The following PDGFRA variants were observed in gnomAD, a reference collection of about 807,000 sequenced individuals.
The protein encoded by PDGFRA is platelet-derived growth factor receptor alpha.
Under a neutral mutation model 121.5 loss-of-function variants are expected in PDGFRA, and 25 were observed. The ratio of observed to expected loss-of-function variants is 0.21; its 90% CI spans 0.15 to 0.29. The LOEUF (loss-of-function observed/expected upper bound fraction) is 0.29. Ranked by LOEUF, PDGFRA falls within the 10% of genes least tolerant of loss-of-function variation. The pLI is 1.00. For synonymous variants in PDGFRA, 463 were observed against 494.8 expected, an observed-to-expected ratio of 0.94 and a Z score of 0.85; for missense variants, 1,008 against 1,345.1, an observed-to-expected ratio of 0.75 and a Z score of 3.92.
intron 16 of PDGFRA, among the ~76,000 whole-genome samples, chr4:54,281,253 G>A (rs1724064957): frequency 6.6e-6 from 1 of 152,156 alleles, no homozygotes; most frequent in Non-Finnish European, 1.5e-5. Flanking sequence ...TGTCCTGTGA[G>A]CTTGCCTTTT....
rs764731822 is a variant in PDGFRA at position 54,265,209 on chromosome 4, G to T, written c.759+160G>T. On this transcript the variant is annotated intron_variant, in intron 5 of 22. Coordinates refer to ENST00000257290, the MANE Select transcript of PDGFRA (RefSeq NM_006206.6). ...ACACATTTGATTAAATGGCCTTTAG[G>T]ACTCCTTGATCAATGGGAGAGTTTG... is the stretch of plus-strand genomic sequence containing the variant. 6.9e-5 allele frequency: 48 copies of T among 698,026 alleles called. No homozygotes were observed. In the Middle Eastern group the frequency reaches 1.5e-3, roughly 22 times the overall value. 43.2% of individuals were successfully genotyped at this position (698,026 alleles called of 1,614,324 possible).
intron 1 of PDGFRA, 67 bp downstream of exon 1, chr4:54,229,482 GA>G (rs1442681006): frequency 5.2e-6 from 2 of 386,048 alleles, no homozygotes. Flanking sequence ...TGGGACTGGA[GA>G]AAGCGAAGTA....
Position 54,295,157 on chromosome 4 carries a change from C to T in PDGFRA, c.3155C>T (p.Thr1052Met), listed in dbSNP as rs397514550. The T allele has an allele frequency of 1.9e-4, 314 of 1,614,018 alleles. No individual in the cohort carries two copies. Among genetic ancestry groups the T allele is most frequent in the Admixed American group, 7.3e-4 (44 of 60,018 alleles). ...SQTSEESAIETGSSSSTFIKR... is the reference protein window; with the variant it reads ...SQTSEESAIEMGSSSSTFIKR... ...ACCTCTGAAGAGAGTGCCATTGAGA[C>T]GGGTTCCAGCAGTTCCACCTTCATC... Residue 1052 changes from threonine (T) to methionine (M), a missense_variant, in exon 23 of 23, where the codon ACG becomes ATG. Physicochemically the swap from Thr to Met is moderately conservative, Grantham distance 81. Coordinates refer to ENST00000257290, the MANE Select transcript of PDGFRA (RefSeq NM_006206.6).
chr4:54,291,866 G>A (rs1327140409), intron 22 of PDGFRA, among the ~76,000 whole-genome samples: 1 of 152,014 alleles, frequency 6.6e-6, no homozygotes, highest in East Asian at 1.9e-4. Context: ...GCAAAGACAT[G>A]GAATCATCCT....
chr4:54,234,250 G>T (rs1016000480), intron 1 of PDGFRA, among the ~76,000 whole-genome samples: 2 of 141,134 alleles, frequency 1.4e-5, no homozygotes, highest in Admixed American at 7.5e-5. Flanking sequence ...TTCAACAGCA[G>T]TTTTCCTATT....
rs556627207 is a variant in PDGFRA at position 54,246,215 on chromosome 4, A to T, written c.-12-12542A>T. On this transcript the variant is annotated intron_variant, in intron 1 of 22. Transcript: ENST00000257290. Reference sequence around the variant, plus strand: ...TTGAACTCAGCTCTGCACCAAGCGGACCTAATAGACATCTACAGAACTCTC... The same window carrying T: ...TTGAACTCAGCTCTGCACCAAGCGGTCCTAATAGACATCTACAGAACTCTC... Among the ~76,000 whole-genome samples the T allele has an allele frequency of 2.6e-4, 39 of 152,294 alleles. 1 individual carries two copies. The South Asian group carries it at 5.6e-3, about 22-fold the overall frequency.
At chr4:54,236,405 G>C (rs954015838) in intron 1 of PDGFRA, among the ~76,000 whole-genome samples, 1 of 152,208 alleles carries the variant, frequency 6.6e-6, no homozygotes, top group African/African-American at 2.4e-5. Context: ...AATAGGTGAG[G>C]AAATTCCCCA....
chr4:54,293,596 A>T (rs1724737048), intron 22 of PDGFRA, among the ~76,000 whole-genome samples: 1 of 151,806 alleles, frequency 6.6e-6, no homozygotes, highest in Admixed American at 6.6e-5. Flanking sequence ...ATGCCCAGCT[A>T]ATTTTTGTAT....
At position 54,277,368 on chromosome 4, in the gene PDGFRA, A is replaced by G. The variant is rs181960276; in HGVS notation, c.1787-20A>G. The stretch of plus-strand genomic sequence containing the variant: ...AGGCGTCTGGAGTTTTTGGGTGTTA[A>G]TGATTCTGCCTGCCCACAGGTCGGG... On this transcript the variant is annotated intron_variant, in intron 12 of 22. Coordinates refer to ENST00000257290, the MANE Select transcript of PDGFRA (RefSeq NM_006206.6). 6.7e-5 allele frequency: 106 copies of G among 1,587,014 alleles called. No homozygotes were observed. The Admixed American group carries it at 1.7e-3, about 25-fold the overall frequency.
Position 54,247,478 on chromosome 4 carries a change from A to T in PDGFRA, c.-12-11279A>T, listed in dbSNP as rs564790549. On this transcript the variant is annotated intron_variant, in intron 1 of 22. Coordinates refer to ENST00000257290, the MANE Select transcript of PDGFRA (RefSeq NM_006206.6). ...AACCAAAGACAAAAACCACATGATT[A>T]TCTCAATAGATGCAGAAAAGGCCTT... Among the ~76,000 whole-genome samples the T allele has an allele frequency of 6.9e-3, 1,058 of 152,320 alleles. 9 individuals are homozygous for T. Among genetic ancestry groups the T allele is most frequent in the African/African-American group, 0.024 (997 of 41,536 alleles).
At chr4:54,277,260 G>A in intron 12 of PDGFRA, 128 bp from the exon 13 acceptor site, 1 of 745,956 alleles carries the variant, frequency 1.3e-6, no homozygotes, top group Non-Finnish European at 2.5e-6. Flanking sequence ...ACTTGGAGGA[G>A]TCATTATGAT....
chr4:54,297,320 A>G lies in PDGFRA; in HGVS notation c.*2048A>G, dbSNP rs1724924837. 4 of 233,726 alleles carry G rather than the reference A, an allele frequency of 1.7e-5. No homozygotes were observed. In the East Asian group the frequency reaches 2.4e-4, roughly 14 times the overall value. The allele number at this position is 233,726 out of a possible 1,614,324, so 14.5% of individuals were successfully genotyped here. A position where few individuals can be genotyped will look rare whatever the true frequency, so the allele number is the denominator to read the frequency against. On this transcript the variant is annotated 3_prime_UTR_variant, in exon 23 of 23. Transcript: ENST00000257290. ...AGAAGCAATAATAAAGTACTTGACTACCTACTGGTGTAATCTCAATGCAAG... is the reference window on the plus strand; with the variant it reads ...AGAAGCAATAATAAAGTACTTGACTGCCTACTGGTGTAATCTCAATGCAAG...
rs4493602 is a variant in PDGFRA at position 54,278,246 on chromosome 4, A to C, written c.2003-116A>C. ...ATTAAAAAAAAAAAAAAAAAAAAAA[A>C]AAAAAAACTTTTTTGGTATCTTATT... is the stretch of plus-strand genomic sequence containing the variant. On this transcript the variant is annotated intron_variant, in intron 14 of 22. Transcript: ENST00000257290. 108,113 of 556,804 alleles carry C rather than the reference A, an allele frequency of 0.19. 10,467 individuals are homozygous for C. The highest frequency in any genetic ancestry group is 0.41 in the African/African-American group (15,192 of 36,618). The allele number at this position is 556,804 out of a possible 1,614,324, so 34.5% of individuals were successfully genotyped here. A position where few individuals can be genotyped will look rare whatever the true frequency, so the allele number is the denominator to read the frequency against.
intron 15 of PDGFRA, among the ~76,000 whole-genome samples, chr4:54,279,684 A>G (rs1408162789): frequency 6.6e-6 from 1 of 152,028 alleles, no homozygotes; most frequent in East Asian, 1.9e-4. Context: ...CCCAGTTTGT[A>G]GTCTTTTATC....
intron 14 of PDGFRA, 124 bp from the exon 15 acceptor site, chr4:54,278,223 TAAAAAAAAAAAAAAA>T (rs5858262): frequency 1.6e-5 from 9 of 546,194 alleles, no homozygotes; most frequent in African/African-American, 2.6e-5. Flanking sequence ...GGCTCTTTAT[TAAAAAAAAAAAAAAA>T]AAAAAAAAAA....
intron 2 of PDGFRA, among the ~76,000 whole-genome samples, chr4:54,260,503 G>C (rs903368109): frequency 2.1e-5 from 3 of 145,542 alleles, no homozygotes; most frequent in African/African-American, 7.7e-5. Flanking sequence ...GGGCTCCAGT[G>C]ATCCTCCCAC....
chr4:54,243,186 A>C (rs1560451403), intron 1 of PDGFRA, among the ~76,000 whole-genome samples: 1 of 152,304 alleles, frequency 6.6e-6, no homozygotes, highest in Middle Eastern at 3.4e-3. Flanking sequence ...TGGTGAAAGC[A>C]TTGCACTGTC....
At chr4:54,237,917 C>T (rs1162312728) in intron 1 of PDGFRA, among the ~76,000 whole-genome samples, 1 of 152,140 alleles carries the variant, frequency 6.6e-6, no homozygotes, top group East Asian at 1.9e-4. Context: ...GAGGGCATGG[C>T]GTTTGTATCA....
At position 54,268,773 on chromosome 4, in the gene PDGFRA, A is replaced by C. The variant is rs1186894696; in HGVS notation, c.1121+1032A>C. On this transcript the variant is annotated intron_variant, in intron 7 of 22. Coordinates refer to ENST00000257290, the MANE Select transcript of PDGFRA (RefSeq NM_006206.6). Reference sequence around the variant, plus strand: ...ACAACAAGGAGGGCAGCTTTCCACGAGGAACTTCCATGAGGCTGTGCAGCC... The same window carrying C: ...ACAACAAGGAGGGCAGCTTTCCACGCGGAACTTCCATGAGGCTGTGCAGCC... 2.6e-5 allele frequency among the ~76,000 whole-genome samples: 4 copies of C among 152,340 alleles called. No homozygotes were observed. The East Asian group carries it at 5.8e-4, about 22-fold the overall frequency.
Sources: allele counts gnomAD v4.1 joint callset (sites outside exome capture counted in the v4.1 genomes callset), GRCh38; gene constraint gnomAD v4.1.1; transcripts MANE v1.5; gene names NCBI Gene and HGNC (gene_info 2026-07-23, HGNC 2026-07-21).